SH3D19: variants seen among roughly 807,000 people sequenced by gnomAD.
SH3D19 encodes the protein SH3 domain-containing protein 19.
In SH3D19, 58 loss-of-function variants were observed where a neutral mutation model predicts 112.1. The ratio of observed to expected loss-of-function variants is 0.52; its 90% CI spans 0.42 to 0.64. The LOEUF is 0.64. Ranked by LOEUF, SH3D19 falls within the 30% of genes least tolerant of loss-of-function variation. The probability of loss-of-function intolerance (pLI) is 0.00; values close to 1 mark genes in which losing one functional copy is unlikely to be tolerated. For missense variants in SH3D19, 1,090 were observed against 1,263.4 expected, an observed-to-expected ratio of 0.86 and a Z score of 2.08; for synonymous variants, 391 against 448.5, an observed-to-expected ratio of 0.87 and a Z score of 1.62.
chr4:151,208,138 T>C (rs1165521459), intron 2 of SH3D19, among the ~76,000 whole-genome samples: 2 of 152,340 alleles, frequency 1.3e-5, no homozygotes, highest in African/African-American at 4.8e-5. Context: ...TATCAGGGTA[T>C]AGTATGGGAG....
intron 1 of SH3D19, among the ~76,000 whole-genome samples, chr4:151,240,834 C>A (rs530133382): frequency 6.6e-6 from 1 of 151,838 alleles, no homozygotes; most frequent in Non-Finnish European, 1.5e-5. Context: ...AAATCCTGTA[C>A]ACAAATATTC....
At chr4:151,255,271 G>A (rs1407083226) in intron 1 of SH3D19, among the ~76,000 whole-genome samples, 3 of 150,774 alleles carry the variant, frequency 2.0e-5, no homozygotes, top group East Asian at 4.0e-4. Flanking sequence ...CTTCTCAGAC[G>A]GGGCGGTTGC....
At chr4:151,249,884 A>G (rs1771226067) in intron 1 of SH3D19, among the ~76,000 whole-genome samples, 1 of 152,234 alleles carries the variant, frequency 6.6e-6, no homozygotes, top group African/African-American at 2.4e-5. Context: ...AATAAAATAT[A>G]TTCCTATTTT....
At chr4:151,166,494 C>CT (rs545395405) in intron 7 of SH3D19, among the ~76,000 whole-genome samples, 10,841 of 141,860 alleles carry the variant, frequency 0.076, 844 homozygotes, top group African/African-American at 0.2. Context: ...AATGACTATA[C>CT]TTTTTTTTTT....
chr4:151,245,832 C>T (rs1472458414), intron 1 of SH3D19, among the ~76,000 whole-genome samples: 3 of 152,130 alleles, frequency 2.0e-5, no homozygotes, highest in African/African-American at 7.2e-5. Context: ...AACTCCTTGA[C>T]CTCAAGTGAC....
intron 1 of SH3D19, among the ~76,000 whole-genome samples, chr4:151,252,925 A>G (rs1468777257): frequency 6.6e-6 from 1 of 152,176 alleles, no homozygotes; most frequent in African/African-American, 2.4e-5. Context: ...TCACAATGCA[A>G]CTGGAATCTG....
chr4:151,228,014 T>C, intron 1 of SH3D19: 1 of 985,374 alleles, frequency 1.0e-6, no homozygotes, highest in Non-Finnish European at 1.2e-6. Flanking sequence ...ATGTGGCCAC[T>C]CAGGAAGCAA....
In SH3D19 at chr4:151,137,872, A is replaced by G; in HGVS notation, c.2297-10T>C. ...AAATCATCAACTTGCTCTGTAATAT[A>G]AAATTATAGTTATGTATGATGAATC... On this transcript the variant is annotated splice_polypyrimidine_tract_variant and intron_variant, in intron 13 of 19. Coordinates refer to ENST00000604030, the MANE Select transcript of SH3D19 (RefSeq NM_001378122.1). The G allele has an allele frequency of 6.3e-7, 1 of 1,586,350 alleles. No homozygotes were observed. The highest frequency in any genetic ancestry group is 8.5e-7 in the Non-Finnish European group (1 of 1,171,188).
chr4:151,144,231 G>C, intron 11 of SH3D19, 181 bp from the exon 12 acceptor site: 1 of 1,613,914 alleles, frequency 6.2e-7, no homozygotes, highest in Non-Finnish European at 8.5e-7. Flanking sequence ...TTACAAGAGA[G>C]TTCTCCGGGG....
chr4:151,269,099 CCT>C (rs1773039223), intron 1 of SH3D19, among the ~76,000 whole-genome samples: 1 of 152,192 alleles, frequency 6.6e-6, no homozygotes, highest in Non-Finnish European at 1.5e-5. Flanking sequence ...CTCTCCAGCA[CCT>C]GTTGTTTCCT....
intron 1 of SH3D19, among the ~76,000 whole-genome samples, chr4:151,276,779 AT>A (rs1414751890): frequency 1.3e-5 from 2 of 152,198 alleles, no homozygotes; most frequent in Non-Finnish European, 2.9e-5. Flanking sequence ...ACTCAGAAAA[AT>A]TAACCAGATA....
At chr4:151,137,133 C>T (rs1752036575) in intron 14 of SH3D19, among the ~76,000 whole-genome samples, 1 of 152,152 alleles carries the variant, frequency 6.6e-6, no homozygotes, top group Non-Finnish European at 1.5e-5. Flanking sequence ...CATAGGAATG[C>T]TTTCACAAGT....
At chr4:151,263,427 C>T (rs761518209) in intron 1 of SH3D19, among the ~76,000 whole-genome samples, 11 of 152,202 alleles carry the variant, frequency 7.2e-5, no homozygotes, top group Non-Finnish European at 1.6e-4. Context: ...TCAGATAAAA[C>T]GGGCCAGGCC....
In SH3D19 at chr4:151,174,657, A is replaced by AT; in HGVS notation, c.1534+12dup. The AT allele has an allele frequency of 1.3e-6, 2 of 1,495,636 alleles. No individual in the cohort carries two copies. The highest frequency in any genetic ancestry group is 1.8e-6 in the Non-Finnish European group (2 of 1,123,942). 92.6% of individuals were successfully genotyped at this position (1,495,636 alleles called of 1,614,324 possible). On this transcript the variant is annotated intron_variant, in intron 7 of 19. Coordinates refer to ENST00000604030, the MANE Select transcript of SH3D19 (RefSeq NM_001378122.1). ...GAGTTTAGATTCCCCTCCACTGCTG[A>AT]TTTTTCACTCACCTAGAACCATCTC...
intron 3 of SH3D19, among the ~76,000 whole-genome samples, chr4:151,181,906 A>T (rs1760997237): frequency 6.6e-6 from 1 of 152,192 alleles, no homozygotes; most frequent in South Asian, 2.1e-4. Flanking sequence ...TCAGAGAGTA[A>T]AGAAATACTG....
chr4:151,161,113 G>C (rs987956865), intron 8 of SH3D19, among the ~76,000 whole-genome samples: 1 of 152,150 alleles, frequency 6.6e-6, no homozygotes, highest in African/African-American at 2.4e-5. Flanking sequence ...GTGGGATGTG[G>C]AGGTAGGAGA....
chr4:151,196,760 A>G (rs1763530930), intron 2 of SH3D19, among the ~76,000 whole-genome samples: 1 of 152,178 alleles, frequency 6.6e-6, no homozygotes, highest in Non-Finnish European at 1.5e-5. Flanking sequence ...AAGGACTAAT[A>G]TCCAGAATTT....
At chr4:151,130,401 A>G (rs1750378475) in intron 17 of SH3D19, among the ~76,000 whole-genome samples, 1 of 152,126 alleles carries the variant, frequency 6.6e-6, no homozygotes, top group African/African-American at 2.4e-5. Flanking sequence ...TCGACACTGC[A>G]CTTAGCCTGG....
rs182637295 is a variant in SH3D19, at chr4:151,233,809, G to A, written c.113-7723C>T. ...CACTCACTTCACACTAAGCATGACA[G>A]GGTGCACTGCTGTTTATAAGGTTTT... On this transcript the variant is annotated intron_variant, in intron 1 of 19. Coordinates refer to ENST00000604030, the MANE Select transcript of SH3D19 (RefSeq NM_001378122.1). Among the ~76,000 whole-genome samples, 53 of 152,308 alleles carry A rather than the reference G, an allele frequency of 3.5e-4. 1 individual carries two copies. Among genetic ancestry groups the A allele is most frequent in the Admixed American group, 3.3e-3 (50 of 15,300 alleles).
Sources: gnomAD v4.1 joint callset for allele counts (sites outside exome capture counted in the v4.1 genomes callset) on GRCh38, gnomAD v4.1.1 for gene constraint, MANE v1.5 for transcripts, NCBI Gene and HGNC (gene_info 2026-07-23, HGNC 2026-07-21) for gene names.